The following DGKZ variants were observed in gnomAD, a reference collection of about 807,000 sequenced individuals.
DGKZ encodes the protein DAG kinase zeta.
In DGKZ, 45 loss-of-function variants were observed where a neutral mutation model predicts 142.5. That is an observed-to-expected ratio of 0.32 (90% CI 0.25 to 0.40). DGKZ has a LOEUF of 0.40. Among genes scored for constraint, DGKZ ranks in the 10% least tolerant of loss-of-function variants. The pLI, the probability that DGKZ is intolerant of heterozygous loss-of-function variation, is 1.00. For synonymous variants in DGKZ, 442 were observed against 527.0 expected, an observed-to-expected ratio of 0.84 and a Z score of 2.21; for missense variants, 755 against 1,306.5, an observed-to-expected ratio of 0.58 and a Z score of 6.51.
intron 8 of DGKZ, 23 bp downstream of exon 8, chr11:46,371,626 A>G: frequency 6.2e-7 from 1 of 1,613,350 alleles, no homozygotes; most frequent in Non-Finnish European, 8.5e-7. Context: ...TGCACCCTTG[A>G]TGCCCCGTAC....
chr11:46,376,113 C>T (rs763282483), exon 22 of DGKZ: 4 of 1,611,362 alleles, frequency 2.5e-6, no homozygotes, highest in East Asian at 4.5e-5. Context: ...TGACCTAGAG[C>T]TCTGCCGTGC....
At chr11:46,366,948 AG>A in intron 1 of DGKZ, 1 of 1,538,082 alleles carries the variant, frequency 6.5e-7, no homozygotes, top group Non-Finnish European at 8.7e-7. Flanking sequence ...CTACGGCGCA[AG>A]GCGGCCGGAC....
intron 4 of DGKZ, 109 bp from the exon 5 acceptor site, chr11:46,369,385 G>T (rs948825216): frequency 2.3e-6 from 3 of 1,332,022 alleles, no homozygotes; most frequent in African/African-American, 2.9e-5. Context: ...CGATTTGGGG[G>T]TATCCCCACC....
intron 4 of DGKZ, chr11:46,368,412 A>G (rs1943567705): frequency 5.3e-6 from 2 of 379,456 alleles, no homozygotes; most frequent in Admixed American, 3.6e-5. Flanking sequence ...CTGAAGCTTC[A>G]TAACTCAGCT....
intron 1 of DGKZ, among the ~76,000 whole-genome samples, chr11:46,350,600 A>G (rs1287300611): frequency 1.3e-5 from 2 of 149,610 alleles, no homozygotes; most frequent in East Asian, 4.1e-4. Context: ...TGCTGAAGCC[A>G]GGTGGAGAAT....
chr11:46,344,750 G>C (rs1940465029), upstream of DGKZ, among the ~76,000 whole-genome samples: 1 of 152,110 alleles, frequency 6.6e-6, no homozygotes, highest in African/African-American at 2.4e-5. Context: ...CACCATGCCT[G>C]GCCTATTACT....
At chr11:46,335,552 C>T (rs1490072511) in intron 1 of DGKZ, among the ~76,000 whole-genome samples, 1 of 152,192 alleles carries the variant, frequency 6.6e-6, no homozygotes, top group Admixed American at 6.5e-5. Context: ...CCAAGGATGC[C>T]AGGTAATCCC....
At chr11:46,333,582 C>A in intron 1 of DGKZ, 3 of 1,203,126 alleles carry the variant, frequency 2.5e-6, no homozygotes, top group Non-Finnish European at 3.5e-6. Context: ...CCGCCGCCTG[C>A]CTGGCGCTGG....
chr11:46,361,751 T>C, intron 1 of DGKZ: 1 of 775,506 alleles, frequency 1.3e-6, no homozygotes, highest in South Asian at 5.8e-5. Context: ...GCTTCCTCCC[T>C]CTGTATCTGG....
intron 1 of DGKZ, among the ~76,000 whole-genome samples, chr11:46,337,808 G>A (rs77914075): frequency 6.6e-6 from 1 of 152,152 alleles, no homozygotes; most frequent in Non-Finnish European, 1.5e-5. Context: ...GAGGGAGGGG[G>A]TGTCCAATGT....
At chr11:46,333,092 C>T (rs937515277) in exon 1 of DGKZ, 19 of 460,364 alleles carry the variant, frequency 4.1e-5, no homozygotes, top group Non-Finnish European at 6.1e-5. Context: ...GCCCGCCTCT[C>T]CCAGGCGCAG....
At chr11:46,368,163 C>A (rs1445308599) in intron 4 of DGKZ, 84 bp downstream of exon 4, 1 of 1,439,038 alleles carries the variant, frequency 6.9e-7, no homozygotes, top group South Asian at 1.2e-5. Context: ...ACATGTTATA[C>A]AAACGGCCTG....
In DGKZ at chr11:46,367,910, C is replaced by T. The variant is rs772063575; in HGVS notation, c.367-92C>T. 8 of 1,539,178 alleles carry T rather than the reference C, an allele frequency of 5.2e-6. No individual in the cohort carries two copies. The South Asian group carries it at 9.0e-5, about 17-fold the overall frequency. On this transcript the variant is annotated intron_variant, in intron 3 of 30. Transcript: ENST00000527911. This position sits in a 1 kb window ranked among gnomAD's most constrained non-coding sequence, Gnocchi z 4.1. Reference sequence around the variant, plus strand: ...GTCCGGATGCCAGGACTGGGGCTTCCCAGTGCACACAAAGGGCAGCTGTGC... The same window carrying T: ...GTCCGGATGCCAGGACTGGGGCTTCTCAGTGCACACAAAGGGCAGCTGTGC...
chr11:46,347,548 G>C lies in DGKZ; in HGVS notation c.-112G>C, dbSNP rs1940787063. 2 of 990,718 alleles carry C rather than the reference G, an allele frequency of 2.0e-6. No homozygotes were observed. The highest frequency in any genetic ancestry group is 2.4e-6 in the Non-Finnish European group (2 of 834,816). The allele number at this position is 990,718 out of a possible 1,614,324, so 61.4% of individuals were successfully genotyped here. ...GCGCGCGGCGCGGGGCGGGCGGAGC[G>C]AGCGCGCGCCATGGAGGTGGCGGGC... On this transcript the variant is annotated 5_prime_UTR_variant, in exon 1 of 31. Coordinates refer to ENST00000527911, the Ensembl canonical transcript of DGKZ. The surrounding 1 kb of genome is among the most constrained non-coding windows in gnomAD (Gnocchi z 6.4).
At chr11:46,364,838 T>G in intron 1 of DGKZ, 1 of 982,156 alleles carries the variant, frequency 1.0e-6, no homozygotes, top group Non-Finnish European at 1.2e-6. Context: ...ACCACAGGGC[T>G]TCTTCTGTCA....
Position 46,369,932 on chromosome 11 carries a change from C to T in DGKZ, c.502-9C>T, listed in dbSNP as rs908875619. 6.2e-7 allele frequency: 1 copy of T among 1,613,790 alleles called. No individual in the cohort carries two copies. Among genetic ancestry groups the T allele is most frequent in the African/African-American group, 1.3e-5 (1 of 74,930 alleles). On this transcript the variant is annotated splice_polypyrimidine_tract_variant and intron_variant, in intron 5 of 30. Transcript: ENST00000527911. ...CTCACCCAGTGAAATTTTTCCCCTT[C>T]TCCCCCAGCCAACCTTTGTACGGCA...
chr11:46,378,483 AG>A lies in DGKZ; in HGVS notation c.2403del (p.Asn802ThrfsTer90). 6.2e-7 allele frequency: 1 copy of A among 1,608,478 alleles called. No homozygotes were observed. The highest frequency in any genetic ancestry group is 8.5e-7 in the Non-Finnish European group (1 of 1,176,246). On this transcript the variant is annotated frameshift_variant, in exon 27 of 31. Coordinates refer to ENST00000527911, the Ensembl canonical transcript of DGKZ. LOFTEE classifies it high-confidence loss of function. ...TGAAGAGCTGATTGAGGCTGCCAAG[AG>A]GAACGACTTCTGTAAGGTACTAGCT...
intron 23 of DGKZ, 57 bp downstream of exon 23, chr11:46,376,454 G>C (rs754586140): frequency 5.0e-6 from 8 of 1,613,810 alleles, no homozygotes; most frequent in Admixed American, 1.7e-5. Context: ...GGGGATCCCA[G>C]GTAGGGGCAG....
In DGKZ at chr11:46,374,141, C is replaced by T; in HGVS notation, c.1327-16C>T. 6.2e-7 allele frequency: 1 copy of T among 1,614,130 alleles called. No individual in the cohort carries two copies. The highest frequency in any genetic ancestry group is 8.5e-7 in the Non-Finnish European group (1 of 1,180,018). On this transcript the variant is annotated splice_polypyrimidine_tract_variant and intron_variant, in intron 14 of 30. Coordinates refer to ENST00000527911, the Ensembl canonical transcript of DGKZ. Reference sequence around the variant, plus strand: ...TGAGGCCCAGCCCTCATTTTGGTCCCTTGACCTTTTTCCAGTTGCCCCTGG... The same window carrying T: ...TGAGGCCCAGCCCTCATTTTGGTCCTTTGACCTTTTTCCAGTTGCCCCTGG...
Sources: allele counts gnomAD v4.1 joint callset (sites outside exome capture counted in the v4.1 genomes callset), GRCh38; gene constraint gnomAD v4.1.1; non-coding constraint Gnocchi (gnomAD v3.1); transcripts MANE v1.5; gene names NCBI Gene and HGNC (gene_info 2026-07-23, HGNC 2026-07-21).